The following ITGBL1 variants were observed in gnomAD, a reference collection of about 807,000 sequenced individuals.
The protein encoded by ITGBL1 is integrin beta-like protein 1.
In ITGBL1, 51 loss-of-function variants were observed where a neutral mutation model predicts 68.5. The observed-to-expected ratio is 0.74, with a 90% CI of 0.59 to 0.94. The LOEUF is 0.94. Ranked by LOEUF, ITGBL1 falls within the 40% of genes least tolerant of loss-of-function variation. The probability of loss-of-function intolerance (pLI) is 0.00; values close to 1 mark genes in which losing one functional copy is unlikely to be tolerated. For synonymous variants in ITGBL1, 209 were observed against 227.3 expected (o/e 0.92, Z 0.72); for missense variants, 649 against 647.4 (o/e 1.00, Z -0.03).
At chr13:101,564,554 C>T (rs976016046) in intron 2 of ITGBL1, among the ~76,000 whole-genome samples, 1 of 149,612 alleles carries the variant, frequency 6.7e-6, no homozygotes, top group African/African-American at 2.4e-5. Context: ...GTATATATAA[C>T]AATATATAAC....
At chr13:101,641,559 T>C (rs797000715) in intron 7 of ITGBL1, among the ~76,000 whole-genome samples, 2 of 150,178 alleles carry the variant, frequency 1.3e-5, no homozygotes, top group South Asian at 4.2e-4. Flanking sequence ...TTATTTTTTC[T>C]TTTTTTTCTT....
At chr13:101,588,261 G>A (rs886877421) in intron 6 of ITGBL1, among the ~76,000 whole-genome samples, 1 of 151,230 alleles carries the variant, frequency 6.6e-6, no homozygotes, top group South Asian at 2.1e-4. Flanking sequence ...TTTATGGTAG[G>A]TAGATTATAC....
intron 2 of ITGBL1, among the ~76,000 whole-genome samples, chr13:101,486,117 A>C (rs965419479): frequency 7.1e-6 from 1 of 140,156 alleles, no homozygotes; most frequent in African/African-American, 2.7e-5. Context: ...CGAGTGGATA[A>C]AAAAAAAATG....
downstream of ITGBL1, chr13:101,718,022 C>T (rs2034790938): frequency 1.3e-5 from 2 of 151,840 alleles, no homozygotes; most frequent in Non-Finnish European, 2.9e-5. Flanking sequence ...ATTATCATAC[C>T]ATAAAAAGTT....
At chr13:101,622,128 G>A (rs2031607582) in intron 7 of ITGBL1, among the ~76,000 whole-genome samples, 1 of 152,136 alleles carries the variant, frequency 6.6e-6, no homozygotes, top group African/African-American at 2.4e-5. Flanking sequence ...ATCCATCTAT[G>A]TGATTAAACT....
At chr13:101,596,130 T>C (rs1349398687) in intron 6 of ITGBL1, among the ~76,000 whole-genome samples, 1 of 152,052 alleles carries the variant, frequency 6.6e-6, no homozygotes, top group Non-Finnish European at 1.5e-5. Context: ...ATCCTTTCAT[T>C]TGCCACAACA....
chr13:101,667,043 G>A (rs184560817), intron 7 of ITGBL1, among the ~76,000 whole-genome samples: 27 of 152,226 alleles, frequency 1.8e-4, no homozygotes, highest in African/African-American at 4.6e-4. Flanking sequence ...ATTATCTGTC[G>A]CTCTCCAGAG....
chr13:101,598,221 C>G lies in ITGBL1; in HGVS notation c.937C>G (p.Pro313Ala). The G allele has an allele frequency of 6.2e-7, 1 of 1,613,804 alleles. No individual in the cohort carries two copies. Among genetic ancestry groups the G allele is most frequent in the Non-Finnish European group, 8.5e-7 (1 of 1,179,886 alleles). The change falls in exon 7 of 11, where the codon CCA (proline) becomes GCA (alanine). Residue 313 changes from proline to alanine, a missense_variant. Transcript: ENST00000376180. ...AGWYGKKCEHPQSCTLSAEES... is the reference protein window; with the variant it reads ...AGWYGKKCEHAQSCTLSAEES... ...CTGGTATGGGAAGAAGTGTGAGCAC[C>G]CACAGTCCTGCACGCTGTCAGCTGA...
intron 2 of ITGBL1, among the ~76,000 whole-genome samples, chr13:101,553,870 G>A (rs550101668): frequency 3.3e-5 from 5 of 151,990 alleles, no homozygotes; most frequent in Non-Finnish European, 7.4e-5. Flanking sequence ...TGCCTTCCAG[G>A]TTCAAGCAAT....
chr13:101,524,545 G>C (rs2049340713), intron 2 of ITGBL1, among the ~76,000 whole-genome samples: 1 of 150,820 alleles, frequency 6.6e-6, no homozygotes, highest in African/African-American at 2.4e-5. Flanking sequence ...CATCACTGAT[G>C]TAATTTTGCA....
In ITGBL1 at chr13:101,453,948, G is replaced by T; in HGVS notation, c.164G>T (p.Gly55Val). 6.8e-7 allele frequency: 1 copy of T among 1,476,594 alleles called. No homozygotes were observed. The highest frequency in any genetic ancestry group is 2.2e-5 in the Admixed American group (1 of 44,702). The allele number at this position is 1,476,594 out of a possible 1,614,324, so 91.5% of individuals were successfully genotyped here. ...AESERRCRAP[G>V]QPPGAALCHG... ...TCGGAGCGACGCTGCCGCGCACCTGGGCAGCCCCCGGGGGCCGCGCTGTGC... is the reference window on the plus strand; with the variant it reads ...TCGGAGCGACGCTGCCGCGCACCTGTGCAGCCCCCGGGGGCCGCGCTGTGC... The change falls in exon 2 of 11, where the codon GGG (glycine) becomes GTG (valine). Residue 55 changes from glycine to valine, a missense_variant. Physicochemically the swap from Gly to Val is moderately radical, Grantham distance 109. Transcript: ENST00000376180.
At position 101,628,315 on chromosome 13, in the gene ITGBL1, G is replaced by A. The variant is rs77259175; in HGVS notation, c.1015+30016G>A. 3.6e-3 allele frequency among the ~76,000 whole-genome samples: 551 copies of A among 152,062 alleles called. 3 individuals are homozygous for A. Among genetic ancestry groups the A allele is most frequent in the Middle Eastern group, 0.017 (5 of 294 alleles). On this transcript the variant is annotated intron_variant, in intron 7 of 10. Transcript: ENST00000376180. ...TTTTTCTCTTATTGTTGAGTTTTAG[G>A]AGTTATTTGTATATTTTAAGTAACA...
Position 101,579,468 on chromosome 13 carries a change from A to G in ITGBL1, c.727+41A>G, listed in dbSNP as rs773182074. ...ATGTTACTACATAATGGGGAGGCAA[A>G]CAAAGCTTTTAATTGTTAACACTTC... On this transcript the variant is annotated intron_variant, in intron 5 of 10. Transcript: ENST00000376180. 1.1e-5 allele frequency: 17 copies of G among 1,596,412 alleles called. No individual in the cohort carries two copies. The East Asian group carries it at 3.6e-4, about 34-fold the overall frequency.
chr13:101,597,915 GAA>G (rs1226196475), intron 6 of ITGBL1, among the ~76,000 whole-genome samples: 1 of 152,018 alleles, frequency 6.6e-6, no homozygotes, highest in Non-Finnish European at 1.5e-5. Flanking sequence ...TTGACAGCTT[GAA>G]GTTTATAGCC....
intron 2 of ITGBL1, among the ~76,000 whole-genome samples, chr13:101,561,901 A>G (rs1357295922): frequency 6.6e-6 from 1 of 152,208 alleles, no homozygotes; most frequent in Admixed American, 6.5e-5. Flanking sequence ...AGCAATGAAA[A>G]TGGAATAAAT....
At chr13:101,560,378 A>G (rs2050079577) in intron 2 of ITGBL1, among the ~76,000 whole-genome samples, 1 of 152,206 alleles carries the variant, frequency 6.6e-6, no homozygotes, top group African/African-American at 2.4e-5. Context: ...TTCAAATTAA[A>G]ATACCCCTAT....
At chr13:101,581,843 CA>C (rs1188353397) in intron 5 of ITGBL1, among the ~76,000 whole-genome samples, 2 of 152,122 alleles carry the variant, frequency 1.3e-5, no homozygotes, top group African/African-American at 4.8e-5. Flanking sequence ...GTACATATTG[CA>C]AAATCGCTAC....
intron 2 of ITGBL1, among the ~76,000 whole-genome samples, chr13:101,484,479 T>C (rs1376142254): frequency 6.6e-6 from 1 of 152,170 alleles, no homozygotes; most frequent in Non-Finnish European, 1.5e-5. Flanking sequence ...AACCACAATA[T>C]TTGATATGAA....
At chr13:101,715,528 T>C (rs775905000) in intron 10 of ITGBL1, 35 bp from the exon 11 acceptor site, 5 of 1,439,670 alleles carry the variant, frequency 3.5e-6, no homozygotes, top group African/African-American at 2.8e-5. Flanking sequence ...CACATTTTGA[T>C]CATAATCATG....
Sources: gnomAD v4.1 joint callset for allele counts (sites outside exome capture counted in the v4.1 genomes callset) on GRCh38, gnomAD v4.1.1 for gene constraint, MANE v1.5 for transcripts, NCBI Gene and HGNC (gene_info 2026-07-23, HGNC 2026-07-21) for gene names.